The following ADAMTSL1 variants were observed in gnomAD, a reference collection of about 807,000 sequenced individuals.
ADAMTSL1 encodes the protein ADAMTS-like protein 1.
Under a neutral mutation model 201.8 loss-of-function variants are expected in ADAMTSL1, and 126 were observed. That is an observed-to-expected ratio of 0.62 (90% CI 0.54 to 0.72). ADAMTSL1 has a LOEUF of 0.72. ADAMTSL1 is among the 30% of genes least tolerant of loss of function. ADAMTSL1 has a pLI of 0.00. For synonymous variants in ADAMTSL1, 1,121 were observed against 903.4 expected (o/e 1.24, Z -4.32); for missense variants, 2,679 against 2,277.8 (o/e 1.18, Z -3.59).
intron 17 of ADAMTSL1, among the ~76,000 whole-genome samples, chr9:18,774,161 G>C (rs112049471): frequency 6.6e-6 from 1 of 151,982 alleles, no homozygotes; most frequent in African/African-American, 2.4e-5. Flanking sequence ...CTCCTTCCCC[G>C]ATGCCCTGCC....
chr9:18,083,266 G>T (rs1163458929), intron 1 of ADAMTSL1, among the ~76,000 whole-genome samples: 1 of 152,182 alleles, frequency 6.6e-6, no homozygotes, highest in Non-Finnish European at 1.5e-5. Context: ...AGTAGGTTCA[G>T]ACACTTTAAA....
intron 2 of ADAMTSL1, among the ~76,000 whole-genome samples, chr9:18,365,928 CT>C (rs1370903369): frequency 6.6e-6 from 1 of 152,096 alleles, no homozygotes; most frequent in Non-Finnish European, 1.5e-5. Context: ...TTGTGTGCTC[CT>C]TATGAGAATC....
At chr9:18,515,655 A>G (rs1023821039) in intron 2 of ADAMTSL1, among the ~76,000 whole-genome samples, 1 of 152,130 alleles carries the variant, frequency 6.6e-6, no homozygotes, top group Non-Finnish European at 1.5e-5. Context: ...AACTTCTTTT[A>G]TGTTAAAAGG....
At chr9:18,763,412 G>C (rs942965079) in intron 16 of ADAMTSL1, among the ~76,000 whole-genome samples, 2 of 152,090 alleles carry the variant, frequency 1.3e-5, no homozygotes, top group African/African-American at 4.8e-5. Flanking sequence ...TCCCTTGTCA[G>C]GGTAGTTTGC....
In ADAMTSL1 at chr9:18,184,192, G is replaced by C. The variant is rs546580069; in HGVS notation, c.207+20211G>C. Among the ~76,000 whole-genome samples, 12 of 152,282 alleles carry C rather than the reference G, an allele frequency of 7.9e-5. No homozygotes were observed. In the South Asian group the frequency reaches 2.5e-3, roughly 32 times the overall value. On this transcript the variant is annotated intron_variant, in intron 2 of 29. Coordinates refer to the ADAMTSL1 transcript ENST00000680146. Reference sequence around the variant, plus strand: ...GTTCACCAGATAACTGCTCCAAAGAGTGTAAAGTCTGATAGCAATTGTGGT... The same window carrying C: ...GTTCACCAGATAACTGCTCCAAAGACTGTAAAGTCTGATAGCAATTGTGGT...
chr9:18,148,007 T>G (rs1826726602), intron 1 of ADAMTSL1, among the ~76,000 whole-genome samples: 1 of 152,116 alleles, frequency 6.6e-6, no homozygotes, highest in African/African-American at 2.4e-5. Context: ...TATTTTTGTG[T>G]TCAACACCTC....
intron 4 of ADAMTSL1, among the ~76,000 whole-genome samples, chr9:18,583,936 C>T (rs1342335500): frequency 1.3e-5 from 2 of 152,164 alleles, no homozygotes; most frequent in African/African-American, 2.4e-5. Context: ...AACTAACGTG[C>T]TTTTGATTTT....
At chr9:18,457,971 C>T (rs998639167) in intron 2 of ADAMTSL1, among the ~76,000 whole-genome samples, 1 of 152,192 alleles carries the variant, frequency 6.6e-6, no homozygotes, top group Non-Finnish European at 1.5e-5. Flanking sequence ...TGTGTATGAT[C>T]AAATCCATTA....
intron 26 of ADAMTSL1, among the ~76,000 whole-genome samples, chr9:18,903,808 G>T (rs1830141260): frequency 6.6e-6 from 1 of 151,268 alleles, no homozygotes; most frequent in South Asian, 2.1e-4. Flanking sequence ...ACAAAAAGTT[G>T]GCCCTCCACA....
chr9:18,272,763 C>T lies in ADAMTSL1; in HGVS notation c.207+108782C>T, dbSNP rs80181179. Among the ~76,000 whole-genome samples, 427 of 152,284 alleles carry T rather than the reference C, an allele frequency of 2.8e-3. 3 individuals are homozygous for T. Among genetic ancestry groups the T allele is most frequent in the South Asian group, 0.021 (100 of 4,826 alleles). ...TAGAGGCTCATCTCTCTTCAGCAGA[C>T]CTGGCCCTCTCTTAACCATTTTTTC... On this transcript the variant is annotated intron_variant, in intron 2 of 29. Transcript: ENST00000680146.
chr9:18,628,852 A>G (rs1442930552), intron 5 of ADAMTSL1, among the ~76,000 whole-genome samples: 2 of 152,144 alleles, frequency 1.3e-5, no homozygotes, highest in Non-Finnish European at 2.9e-5. Context: ...ATGGCATTAT[A>G]TTCTCTTTTT....
chr9:17,969,874 TAA>T (rs1472544118), intron 1 of ADAMTSL1, among the ~76,000 whole-genome samples: 1 of 152,068 alleles, frequency 6.6e-6, no homozygotes, highest in Non-Finnish European at 1.5e-5. Flanking sequence ...GTTTTGGTGT[TAA>T]GAGTTTATAT....
At chr9:18,626,299 G>C (rs35264941) in intron 5 of ADAMTSL1, among the ~76,000 whole-genome samples, 2,223 of 152,298 alleles carry the variant, frequency 0.015, 38 homozygotes, top group East Asian at 0.075. Flanking sequence ...TAGGCTGCCA[G>C]CCACAGGTGA....
chr9:18,012,331 G>A (rs1202872759), intron 1 of ADAMTSL1, among the ~76,000 whole-genome samples: 1 of 152,018 alleles, frequency 6.6e-6, no homozygotes, highest in Non-Finnish European at 1.5e-5. Context: ...ATTCCAAGCA[G>A]GATCAAGAAC....
chr9:18,029,888 C>A (rs1820869406), intron 1 of ADAMTSL1, among the ~76,000 whole-genome samples: 1 of 152,048 alleles, frequency 6.6e-6, no homozygotes, highest in Non-Finnish European at 1.5e-5. Context: ...ATTAAAAAGT[C>A]AGGAAACAAC....
At chr9:18,001,110 G>T (rs1230489463) in intron 1 of ADAMTSL1, among the ~76,000 whole-genome samples, 1 of 151,948 alleles carries the variant, frequency 6.6e-6, no homozygotes, top group Non-Finnish European at 1.5e-5. Flanking sequence ...ACTTGTCACT[G>T]TAGCTCATAA....
intron 1 of ADAMTSL1, among the ~76,000 whole-genome samples, chr9:17,994,249 G>A (rs1819282854): frequency 6.6e-6 from 1 of 152,108 alleles, no homozygotes; most frequent in East Asian, 1.9e-4. Flanking sequence ...GGATGACTCT[G>A]TCCATGCACA....
chr9:18,891,858 G>A (rs149470350), intron 25 of ADAMTSL1, among the ~76,000 whole-genome samples: 44 of 152,244 alleles, frequency 2.9e-4, no homozygotes, highest in African/African-American at 1.0e-3. Context: ...TCTCCTTTAG[G>A]AAGTACCAAC....
chr9:18,071,875 A>T (rs1433315611), intron 1 of ADAMTSL1, among the ~76,000 whole-genome samples: 1 of 152,230 alleles, frequency 6.6e-6, no homozygotes, highest in Non-Finnish European at 1.5e-5. Context: ...GATGATATTC[A>T]TCAGCCGCAC....
Sources: allele counts gnomAD v4.1 joint callset (sites outside exome capture counted in the v4.1 genomes callset), GRCh38; gene constraint gnomAD v4.1.1; transcripts MANE v1.5; gene names NCBI Gene and HGNC (gene_info 2026-07-23, HGNC 2026-07-21).